Variants in APBB2 observed in about 807,000 individuals in gnomAD.
APBB2 encodes the protein Fe65-like 1.
In APBB2, 38 loss-of-function variants were observed where a neutral mutation model predicts 82.5. The ratio of observed to expected loss-of-function variants is 0.46; its 90% CI spans 0.36 to 0.60. APBB2 has a LOEUF of 0.60. Among genes scored for constraint, APBB2 ranks in the 20% least tolerant of loss-of-function variants. APBB2 has a pLI of 0.00. For synonymous variants in APBB2, 341 were observed against 368.2 expected (o/e 0.93, Z 0.85); for missense variants, 772 against 972.3 (o/e 0.79, Z 2.74).
At chr4:40,980,600 G>C (rs928075352) in intron 6 of APBB2, among the ~76,000 whole-genome samples, 1 of 152,186 alleles carries the variant, frequency 6.6e-6, no homozygotes, top group Non-Finnish European at 1.5e-5. Context: ...CCAAGGAGGG[G>C]AAAGTTTGGG....
At chr4:41,057,426 G>A (rs1728216752) in intron 4 of APBB2, among the ~76,000 whole-genome samples, 2 of 152,202 alleles carry the variant, frequency 1.3e-5, no homozygotes, top group Admixed American at 6.5e-5. Context: ...ACTCCAGCCT[G>A]GGCAACAAGA....
At chr4:40,994,204 G>GT (rs1477602873) in intron 6 of APBB2, among the ~76,000 whole-genome samples, 10 of 151,190 alleles carry the variant, frequency 6.6e-5, no homozygotes, top group Non-Finnish European at 1.5e-4. Context: ...GGAGAATGGC[G>GT]TGAACCTGGG....
intron 4 of APBB2, among the ~76,000 whole-genome samples, chr4:41,053,742 C>T (rs191287586): frequency 3.3e-5 from 5 of 152,290 alleles, no homozygotes; most frequent in African/African-American, 9.6e-5. Flanking sequence ...TATATCTCCA[C>T]GGTACTTGCT....
At chr4:40,919,189 T>C (rs1436295839) in intron 10 of APBB2, among the ~76,000 whole-genome samples, 1 of 152,118 alleles carries the variant, frequency 6.6e-6, no homozygotes, top group Non-Finnish European at 1.5e-5. Context: ...AAAGGGACAG[T>C]AATTCATTCT....
chr4:41,017,236 T>G (rs560160667), intron 5 of APBB2, among the ~76,000 whole-genome samples: 38 of 152,274 alleles, frequency 2.5e-4, no homozygotes, highest in Middle Eastern at 3.4e-3. Flanking sequence ...TGAACACAGT[T>G]TGAGTAATAT....
chr4:40,906,531 G>A (rs1326897132), intron 10 of APBB2, among the ~76,000 whole-genome samples: 1 of 150,038 alleles, frequency 6.7e-6, no homozygotes, highest in Non-Finnish European at 1.5e-5. Flanking sequence ...ATTCCCACCA[G>A]TACTTAGTTA....
chr4:41,095,218 TG>T (rs1743102146), intron 3 of APBB2, among the ~76,000 whole-genome samples: 3 of 152,162 alleles, frequency 2.0e-5, no homozygotes, highest in South Asian at 2.1e-4. Flanking sequence ...ATCTTGAAAA[TG>T]GGGTAATAAC....
chr4:41,214,469 C>G lies in APBB2; in HGVS notation c.-481G>C, dbSNP rs899768509. 3.3e-5 allele frequency: 5 copies of G among 152,458 alleles called. No homozygotes were observed. The highest frequency in any genetic ancestry group is 2.1e-4 in the South Asian group (1 of 4,838). The allele number at this position is 152,458 out of a possible 1,614,324, so 9.4% of individuals were successfully genotyped here. On this transcript the variant is annotated 5_prime_UTR_variant, in exon 1 of 18. Coordinates refer to ENST00000508593, the MANE Select transcript of APBB2 (RefSeq NM_004307.2). ...GCGGCTCTGCTCCAGTCTCGCCCTT[C>G]CCGGAGCGCCCAGATCAGATGCGGT...
intron 10 of APBB2, among the ~76,000 whole-genome samples, chr4:40,912,045 C>T (rs894628593): frequency 6.6e-6 from 1 of 152,208 alleles, no homozygotes; most frequent in Non-Finnish European, 1.5e-5. Context: ...ACGGGACAAG[C>T]ACAGAATGCA....
At chr4:41,033,405 T>TAC (rs1295654518) in intron 4 of APBB2, 101 bp from the exon 5 acceptor site, 24 of 737,206 alleles carry the variant, frequency 3.3e-5, no homozygotes, top group Non-Finnish European at 4.1e-5. Context: ...CTGTTATATA[T>TAC]ACCAAACAAA....
In APBB2 at chr4:40,876,684, A is replaced by C. The variant is rs377654178; in HGVS notation, c.1529+13680T>G. On this transcript the variant is annotated intron_variant, in intron 12 of 17. Coordinates refer to ENST00000508593, the MANE Select transcript of APBB2 (RefSeq NM_004307.2). ...ACTTATAATACCTAATACAATGCAA[A>C]ACTATGTAGATAATTGTTATATTAT... Among the ~76,000 whole-genome samples the C allele has an allele frequency of 1.8e-4, 28 of 152,302 alleles. No individual in the cohort carries two copies. In the East Asian group the frequency reaches 2.5e-3, roughly 14 times the overall value.
chr4:41,189,884 G>A (rs1187037584), intron 1 of APBB2, among the ~76,000 whole-genome samples: 1 of 152,166 alleles, frequency 6.6e-6, no homozygotes, highest in Non-Finnish European at 1.5e-5. Flanking sequence ...CAGGCCTGGG[G>A]CCCATTCTCT....
At position 41,199,901 on chromosome 4, in the gene APBB2, T is replaced by A. The variant is rs567554615; in HGVS notation, c.-417+14504A>T. 3.9e-5 allele frequency among the ~76,000 whole-genome samples: 6 copies of A among 152,364 alleles called. No individual in the cohort carries two copies. In the South Asian group the frequency reaches 1.2e-3, roughly 32 times the overall value. On this transcript the variant is annotated intron_variant, in intron 1 of 17. Coordinates refer to ENST00000508593, the MANE Select transcript of APBB2 (RefSeq NM_004307.2). ...ATTCACCATGCACTGGCAGCCTGAT[T>A]TCCTCTGTATGCTAGAAAACAAAGA...
Position 41,117,518 on chromosome 4 carries a change from C to T in APBB2, c.-260-16768G>A, listed in dbSNP as rs1434227993. ...ATCTTGGCCAGGCTGGTCTTCAACT[C>T]CTGACCTTGTGATCCACCCGCCTTG... On this transcript the variant is annotated intron_variant, in intron 2 of 17. Coordinates refer to ENST00000508593, the MANE Select transcript of APBB2 (RefSeq NM_004307.2). 2.6e-5 allele frequency among the ~76,000 whole-genome samples: 4 copies of T among 152,200 alleles called. No homozygotes were observed. In the East Asian group the frequency reaches 5.8e-4, roughly 22 times the overall value.
chr4:41,053,325 T>C (rs1726743970), intron 4 of APBB2, among the ~76,000 whole-genome samples: 1 of 152,100 alleles, frequency 6.6e-6, no homozygotes, highest in African/African-American at 2.4e-5. Context: ...TGCAAAGCCA[T>C]TTCTACCTTC....
intron 1 of APBB2, among the ~76,000 whole-genome samples, chr4:41,209,129 C>G (rs193181023): frequency 6.6e-6 from 1 of 152,134 alleles, no homozygotes; most frequent in Admixed American, 6.5e-5. Flanking sequence ...CCACTCCTAA[C>G]AGGGGTCCAG....
intron 17 of APBB2, among the ~76,000 whole-genome samples, chr4:40,820,949 A>T (rs1170803115): frequency 1.3e-5 from 2 of 151,446 alleles, no homozygotes; most frequent in African/African-American, 4.9e-5. Context: ...GTTCACTGCA[A>T]CCTCTGCCTC....
At chr4:41,129,304 C>T (rs1755299991) in intron 2 of APBB2, among the ~76,000 whole-genome samples, 1 of 152,086 alleles carries the variant, frequency 6.6e-6, no homozygotes, top group Admixed American at 6.5e-5. Context: ...TTTCCATTTT[C>T]TTGCCTCATC....
At position 40,944,989 on chromosome 4, in the gene APBB2, T is replaced by C. The variant is rs1158379149; in HGVS notation, c.920A>G (p.Tyr307Cys). The change falls in exon 7 of 18, where the codon TAT (tyrosine) becomes TGT (cysteine). Residue 307 changes from tyrosine to cysteine, a missense_variant. Tyr to Cys is a radical substitution (Grantham distance 194, BLOSUM62 -2). Transcript: ENST00000508593. ...WKRVSDIAGT[Y>C]YWHIPTGTTQ... The stretch of plus-strand genomic sequence containing the variant: ...CGTTCCTGTTGGGATGTGCCAATAA[T>C]AGGTCCCGGCAATGTCACTGACTCT... 6.2e-7 allele frequency: 1 copy of C among 1,608,164 alleles called. No individual in the cohort carries two copies. The highest frequency in any genetic ancestry group is 8.5e-7 in the Non-Finnish European group (1 of 1,178,354).
Sources: allele counts gnomAD v4.1 joint callset (sites outside exome capture counted in the v4.1 genomes callset), GRCh38; gene constraint gnomAD v4.1.1; transcripts MANE v1.5; gene names NCBI Gene and HGNC (gene_info 2026-07-23, HGNC 2026-07-21).